EHMT1: variants seen among roughly 807,000 people sequenced by gnomAD.
EHMT1 encodes the protein euchromatic histone lysine methyltransferase 1.
EHMT1 carries 15 observed loss-of-function variants against 147.2 expected under a neutral mutation model. The observed-to-expected ratio is 0.10, with a 90% CI of 0.07 to 0.16. EHMT1 has a LOEUF of 0.16. EHMT1 is among the 10% of genes least tolerant of loss of function. The probability of loss-of-function intolerance (pLI) is 1.00; values close to 1 mark genes in which losing one functional copy is unlikely to be tolerated. For synonymous variants in EHMT1, 795 were observed against 709.6 expected (o/e 1.12, Z -1.91); for missense variants, 1,587 against 1,772.4 (o/e 0.90, Z 1.88).
chr9:137,780,627 T>TGGGATGTGTGGTGATGACGCC (rs1951362453), intron 14 of EHMT1, among the ~76,000 whole-genome samples: 1 of 87,654 alleles, frequency 1.1e-5, no homozygotes. Flanking sequence ...GTGATGACGC[T>TGGGATGTGTGGTGATGACGCC]GAGATGTGTG....
intron 1 of EHMT1, among the ~76,000 whole-genome samples, chr9:137,681,888 G>A (rs1013879301): frequency 5.3e-5 from 8 of 152,160 alleles, no homozygotes; most frequent in Admixed American, 2.6e-4. Flanking sequence ...AGCGTGAGGC[G>A]GGTCACTGAT....
chr9:137,654,401 A>G (rs1163007075), intron 1 of EHMT1, among the ~76,000 whole-genome samples: 4 of 142,928 alleles, frequency 2.8e-5, no homozygotes, highest in Non-Finnish European at 6.1e-5. Flanking sequence ...CCAAAAAAAA[A>G]AGAGAAAAAT....
intron 1 of EHMT1, among the ~76,000 whole-genome samples, chr9:137,626,029 ATTTTTT>A (rs768825527): frequency 9.0e-6 from 1 of 111,560 alleles, no homozygotes; most frequent in African/African-American, 3.3e-5. Flanking sequence ...CTAATTTTGT[ATTTTTT>A]TTTTTTTTTT....
At chr9:137,777,089 C>G (rs1365092082) in intron 12 of EHMT1, 1 of 489,986 alleles carries the variant, frequency 2.0e-6, no homozygotes, top group Non-Finnish European at 3.7e-6. Flanking sequence ...CACAGCACCC[C>G]CATTGATGTA....
chr9:137,693,962 G>A (rs1178543319), intron 1 of EHMT1, among the ~76,000 whole-genome samples: 3 of 25,806 alleles, frequency 1.2e-4, no homozygotes, highest in African/African-American at 1.9e-4. Context: ...ACACAGTGGC[G>A]CAGGACGCTG....
chr9:137,646,906 T>C (rs1490194385), intron 1 of EHMT1, among the ~76,000 whole-genome samples: 2 of 152,166 alleles, frequency 1.3e-5, no homozygotes, highest in African/African-American at 4.8e-5. Flanking sequence ...CTGAGCCCGC[T>C]GCAGCAGGCT....
At chr9:137,646,383 T>C in intron 1 of EHMT1, 1 of 985,536 alleles carries the variant, frequency 1.0e-6, no homozygotes, top group Non-Finnish European at 1.2e-6. Flanking sequence ...CGGGCAAGAA[T>C]CCTGTGACCA....
At chr9:137,757,777 A>C in intron 8 of EHMT1, 103 bp from the exon 9 acceptor site, 1 of 1,547,580 alleles carries the variant, frequency 6.5e-7, no homozygotes, top group Non-Finnish European at 8.8e-7. Flanking sequence ...GATTAATTAG[A>C]AGTAGTCCAT....
intron 1 of EHMT1, among the ~76,000 whole-genome samples, chr9:137,670,327 C>G (rs1940427880): frequency 6.6e-6 from 1 of 152,134 alleles, no homozygotes. Flanking sequence ...CCCAGGGCAA[C>G]AAAACCATCC....
chr9:137,817,280 G>C, intron 23 of EHMT1, 159 bp from the exon 24 acceptor site: 1 of 794,628 alleles, frequency 1.3e-6, no homozygotes, highest in Non-Finnish European at 2.1e-6. Flanking sequence ...GAGAGTGCGA[G>C]ATGCCGTGTC....
In EHMT1 at chr9:137,787,948, C is replaced by T; in HGVS notation, c.2383-2900C>T. 6.6e-7 allele frequency: 1 copy of T among 1,504,602 alleles called. No homozygotes were observed. Among genetic ancestry groups the T allele is most frequent in the South Asian group, 1.1e-5 (1 of 88,586 alleles). 93.2% of individuals were successfully genotyped at this position (1,504,602 alleles called of 1,614,324 possible). On this transcript the variant is annotated intron_variant, in intron 15 of 26. Transcript: ENST00000460843. This position sits in a 1 kb window ranked among gnomAD's most constrained non-coding sequence, Gnocchi z 4.2. The stretch of plus-strand genomic sequence containing the variant: ...GTGGGCAGCTGCCCCCAGAGGGAGG[C>T]CCTGTGTCCCCCACTGGACAGCCCC...
At chr9:137,800,073 C>G (rs1390788621) in intron 17 of EHMT1, among the ~76,000 whole-genome samples, 1 of 152,156 alleles carries the variant, frequency 6.6e-6, no homozygotes, top group African/African-American at 2.4e-5. Context: ...TGACTGTCCA[C>G]CGCAGGGGAG....
chr9:137,830,871 T>TA (rs1956142515), intron 25 of EHMT1, among the ~76,000 whole-genome samples: 1 of 152,240 alleles, frequency 6.6e-6, no homozygotes, highest in Non-Finnish European at 1.5e-5. Flanking sequence ...CTCTGTATTC[T>TA]GTTTCCTGCT....
At chr9:137,752,694 GGT>G (rs916166110) in intron 7 of EHMT1, among the ~76,000 whole-genome samples, 7 of 152,208 alleles carry the variant, frequency 4.6e-5, no homozygotes, top group African/African-American at 1.7e-4. Context: ...AGAGGGAGAG[GGT>G]GTGGTGGGAG....
At chr9:137,669,754 T>C (rs1940323238) in intron 1 of EHMT1, among the ~76,000 whole-genome samples, 1 of 152,192 alleles carries the variant, frequency 6.6e-6, no homozygotes, top group East Asian at 1.9e-4. Flanking sequence ...AATCTCCTTA[T>C]GTTGTCCAGG....
chr9:137,780,697 C>G (rs1479069808), intron 14 of EHMT1, among the ~76,000 whole-genome samples: 1 of 82,448 alleles, frequency 1.2e-5, no homozygotes, highest in Non-Finnish European at 2.2e-5. Context: ...GGTGATGACG[C>G]CGAGACGTGT....
chr9:137,778,028 G>A lies in EHMT1; in HGVS notation c.2165G>A (p.Ser722Asn). The change falls in exon 13 of 27, where the codon AGC becomes AAC. Residue 722 changes from serine (S) to asparagine (N), a missense_variant. Transcript: ENST00000460843. ...SQGPGKETLESALIALDSEKP... is the reference protein window; with the variant it reads ...SQGPGKETLENALIALDSEKP... ...GGACCAGGGAAGGAAACCTTGGAGAGCGCTCTCATCGCCCTCGACTCGGAA... is the reference window on the plus strand; with the variant it reads ...GGACCAGGGAAGGAAACCTTGGAGAACGCTCTCATCGCCCTCGACTCGGAA... The A allele has an allele frequency of 6.2e-7, 1 of 1,613,904 alleles. No individual in the cohort carries two copies. The highest frequency in any genetic ancestry group is 8.5e-7 in the Non-Finnish European group (1 of 1,180,034).
At chr9:137,743,017 TC>T (rs1948238079) in intron 4 of EHMT1, 3 of 342,440 alleles carry the variant, frequency 8.8e-6, no homozygotes, top group South Asian at 7.3e-5. Context: ...GGGTAGTCAT[TC>T]CATGTGCAAA....
chr9:137,671,547 CAG>C (rs1039606681), intron 1 of EHMT1, among the ~76,000 whole-genome samples: 10 of 119,978 alleles, frequency 8.3e-5, no homozygotes, highest in Admixed American at 4.3e-4. Flanking sequence ...TTTTTCGAGA[CAG>C]AGTTTCGCTC....
Sources: allele counts gnomAD v4.1 joint callset (sites outside exome capture counted in the v4.1 genomes callset), GRCh38; gene constraint gnomAD v4.1.1; non-coding constraint Gnocchi (gnomAD v3.1); transcripts MANE v1.5; gene names NCBI Gene and HGNC (gene_info 2026-07-23, HGNC 2026-07-21).